Variants in AFF2 observed in about 807,000 individuals in gnomAD.
The protein encoded by AFF2 is AF4/FMR2 family member 2.
In AFF2, 14 loss-of-function variants were observed where a neutral mutation model predicts 76.9. The observed-to-expected ratio is 0.18, with a 90% CI of 0.12 to 0.28. The LOEUF is 0.28. AFF2 is among the 10% of genes least tolerant of loss of function. AFF2 has a pLI of 1.00. For synonymous variants in AFF2, 398 were observed against 366.7 expected, an observed-to-expected ratio of 1.09 and a Z score of -0.98; for missense variants, 868 against 1,001.1, an observed-to-expected ratio of 0.87 and a Z score of 1.79.
At chrX:148,642,164 C>T (rs139669561) in intron 1 of AFF2, among the ~76,000 whole-genome samples, 4,037 of 111,719 alleles carry the variant, frequency 0.036, 187 homozygotes, top group African/African-American at 0.12. Flanking sequence ...CAGGCCGGGG[C>T]TCTGCAGGAG....
At chrX:148,835,044 AT>A (rs1223494899) in intron 4 of AFF2, among the ~76,000 whole-genome samples, 3 of 112,227 alleles carry the variant, frequency 2.7e-5, no homozygotes, top group African/African-American at 9.7e-5. Context: ...TTCCATGTGG[AT>A]TAGCTAACAG....
At chrX:148,808,682 A>G (rs782546273) in intron 3 of AFF2, among the ~76,000 whole-genome samples, 1 of 111,775 alleles carries the variant, frequency 8.9e-6, no homozygotes, top group East Asian at 2.8e-4. Context: ...TGTCTCCCCT[A>G]TTTGGGATTT....
chrX:148,547,880 T>G (rs1453348248), intron 1 of AFF2, among the ~76,000 whole-genome samples: 5 of 111,853 alleles, frequency 4.5e-5, no homozygotes, highest in African/African-American at 1.6e-4. Flanking sequence ...AGGTATTTCC[T>G]TTCTATTAGT....
At chrX:148,873,465 A>G (rs1356537661) in intron 7 of AFF2, among the ~76,000 whole-genome samples, 1 of 108,138 alleles carries the variant, frequency 9.2e-6, no homozygotes, top group Non-Finnish European at 1.9e-5. Context: ...TGGGTTACTT[A>G]TCATTTTATT....
intron 1 of AFF2, among the ~76,000 whole-genome samples, chrX:148,603,475 C>T (rs1440184562): frequency 1.8e-5 from 2 of 108,457 alleles, no homozygotes; most frequent in Non-Finnish European, 3.8e-5. Context: ...TTTCCCCCAT[C>T]ATTGCCTTGG....
chrX:148,784,376 A>G (rs2069785856), intron 3 of AFF2, among the ~76,000 whole-genome samples: 1 of 112,022 alleles, frequency 8.9e-6, no homozygotes, highest in African/African-American at 3.3e-5. Flanking sequence ...TTAATTAGGA[A>G]AAGCTGCAGG....
At chrX:148,616,282 A>G (rs782195114) in intron 1 of AFF2, among the ~76,000 whole-genome samples, 1 of 111,732 alleles carries the variant, frequency 8.9e-6, no homozygotes, top group African/African-American at 3.3e-5. Flanking sequence ...AAGTCATTGA[A>G]CTTCTCTTTG....
intron 9 of AFF2, among the ~76,000 whole-genome samples, chrX:148,916,364 C>A (rs192892143): frequency 9.3e-6 from 1 of 107,733 alleles, no homozygotes; most frequent in African/African-American, 3.4e-5. Context: ...CGCCCGCCAC[C>A]ACGCCCGGCT....
At chrX:148,584,295 G>GA (rs199573582) in intron 1 of AFF2, among the ~76,000 whole-genome samples, 4 of 109,163 alleles carry the variant, frequency 3.7e-5, no homozygotes, top group Non-Finnish European at 7.6e-5. Context: ...CTCTTTACAA[G>GA]AAAAAAAAAG....
intron 4 of AFF2, among the ~76,000 whole-genome samples, chrX:148,834,883 T>C (rs781961118): frequency 8.9e-6 from 1 of 112,271 alleles, no homozygotes; most frequent in African/African-American, 3.2e-5. Flanking sequence ...AGATATTCTT[T>C]CAGGAAATTA....
chrX:148,878,440 G>T (rs919636702), intron 7 of AFF2, among the ~76,000 whole-genome samples: 2 of 111,593 alleles, frequency 1.8e-5, no homozygotes, highest in African/African-American at 6.5e-5. Context: ...CAGTCTAACT[G>T]GTTTCCTTGC....
intron 3 of AFF2, among the ~76,000 whole-genome samples, chrX:148,691,381 T>C (rs2054649694): frequency 8.9e-6 from 1 of 112,516 alleles, no homozygotes; most frequent in Admixed American, 9.4e-5. Flanking sequence ...TTGTTTATTT[T>C]ATATTTGTGT....
intron 3 of AFF2, among the ~76,000 whole-genome samples, chrX:148,708,497 A>G (rs2054915197): frequency 8.9e-6 from 1 of 112,193 alleles, no homozygotes; most frequent in Non-Finnish European, 1.9e-5. Context: ...TTCTAATCTA[A>G]ATGAAAATAT....
chrX:148,630,922 G>A (rs2053973746), intron 1 of AFF2, among the ~76,000 whole-genome samples: 2 of 112,016 alleles, frequency 1.8e-5, no homozygotes, highest in Admixed American at 1.9e-4. Flanking sequence ...GTTTCTCTAA[G>A]GAAATCAAGG....
In AFF2 at chrX:148,992,250, GCAA is replaced by G. The variant is rs1373217131; in HGVS notation, c.*927_*929del. ...AGGAATTCACACCTCTGCCTCCTTTGCAACAACAACATTTACACAGTTGGTAAG... is the reference window on the plus strand; with the variant it reads ...AGGAATTCACACCTCTGCCTCCTTTGCAACAACATTTACACAGTTGGTAAG... On this transcript the variant is annotated 3_prime_UTR_variant, in exon 21 of 21. Transcript: ENST00000370460. 1.8e-5 allele frequency: 2 copies of G among 111,964 alleles called. No individual in the cohort carries two copies. Among genetic ancestry groups the G allele is most frequent in the African/African-American group, 6.5e-5 (2 of 30,729 alleles). 9.2% of individuals were successfully genotyped at this position (111,964 alleles called of 1,213,427 possible).
intron 1 of AFF2, among the ~76,000 whole-genome samples, chrX:148,540,919 T>G (rs2052846960): frequency 8.9e-6 from 1 of 111,858 alleles, no homozygotes; most frequent in Admixed American, 9.5e-5. Flanking sequence ...AAAACTACCC[T>G]CTCACTGCTA....
chrX:148,865,309 C>T (rs782621862), intron 7 of AFF2, among the ~76,000 whole-genome samples: 97 of 112,324 alleles, frequency 8.6e-4, no homozygotes, highest in Non-Finnish European at 1.6e-3. Flanking sequence ...AAACCTACCA[C>T]GTACTTTGCA....
At chrX:148,978,561 C>G in intron 18 of AFF2, 106 bp downstream of exon 18, 1 of 550,018 alleles carries the variant, frequency 1.8e-6, no homozygotes, top group Non-Finnish European at 3.0e-6. Context: ...CTTAACCTCT[C>G]TCCTCCCTGC....
At chrX:148,615,948 C>A (rs2053794922) in intron 1 of AFF2, among the ~76,000 whole-genome samples, 2 of 111,527 alleles carry the variant, frequency 1.8e-5, no homozygotes, top group African/African-American at 6.5e-5. Flanking sequence ...TTAGATGAAG[C>A]CATATATTTG....
Sources: allele counts gnomAD v4.1 joint callset (sites outside exome capture counted in the v4.1 genomes callset), GRCh38; gene constraint gnomAD v4.1.1; transcripts MANE v1.5; gene names NCBI Gene and HGNC (gene_info 2026-07-23, HGNC 2026-07-21).